The following ADAM22 variants were observed in gnomAD, a reference collection of about 807,000 sequenced individuals.
The protein encoded by ADAM22 is ADAM metallopeptidase domain 22, also known as disintegrin and metalloproteinase domain-containing protein 22.
In ADAM22, 65 loss-of-function variants were observed where a neutral mutation model predicts 144.6. The ratio of observed to expected loss-of-function variants is 0.45; its 90% confidence interval spans 0.37 to 0.55. The LOEUF is 0.55. ADAM22 is among the 20% of genes least tolerant of loss of function. The pLI, the probability that ADAM22 is intolerant of heterozygous loss-of-function variation, is 0.00. For missense variants in ADAM22, 974 were observed against 1,184.9 expected, an observed-to-expected ratio of 0.82 and a Z score of 2.61; for synonymous variants, 391 against 412.6, an observed-to-expected ratio of 0.95 and a Z score of 0.63.
At chr7:87,978,723 C>G (rs1456270120) in intron 3 of ADAM22, among the ~76,000 whole-genome samples, 1 of 152,032 alleles carries the variant, frequency 6.6e-6, no homozygotes, top group Non-Finnish European at 1.5e-5. Flanking sequence ...GACAATAATA[C>G]TTTGGGTATT....
chr7:87,995,806 C>A (rs1465665691), intron 3 of ADAM22, among the ~76,000 whole-genome samples: 1 of 152,158 alleles, frequency 6.6e-6, no homozygotes, highest in Non-Finnish European at 1.5e-5. Flanking sequence ...GTCACTCATT[C>A]CCTTACAGAT....
chr7:88,125,559 T>C, intron 7 of ADAM22, 30 bp from the exon 8 acceptor site: 1 of 1,524,090 alleles, frequency 6.6e-7, no homozygotes, highest in Non-Finnish European at 9.0e-7. Context: ...ACAAATGCAC[T>C]AAGTTAAATT....
chr7:87,950,896 T>C (rs1358276605), intron 2 of ADAM22, among the ~76,000 whole-genome samples: 1 of 151,546 alleles, frequency 6.6e-6, no homozygotes, highest in Non-Finnish European at 1.5e-5. Context: ...CCAGTGATGA[T>C]GAGCATTTTT....
chr7:87,990,941 G>A lies in ADAM22; in HGVS notation c.323+12529G>A, dbSNP rs903615422. On this transcript the variant is annotated intron_variant, in intron 3 of 31. Transcript: ENST00000413139. ...GGCCTCCCAAAGTGCTGGGATTGCA[G>A]ACGTGAGCCACCACACCCAGCCTTT... Among the ~76,000 whole-genome samples, 6 of 152,210 alleles carry A rather than the reference G, an allele frequency of 3.9e-5. No homozygotes were observed. In the East Asian group the frequency reaches 1.2e-3, roughly 29 times the overall value.
At chr7:88,195,608 C>T (rs1186115962) in intron 31 of ADAM22, among the ~76,000 whole-genome samples, 5 of 152,192 alleles carry the variant, frequency 3.3e-5, no homozygotes, top group South Asian at 2.1e-4. Flanking sequence ...CTCCGCCTCC[C>T]GGGTTCACGC....
At chr7:88,112,394 T>C (rs912943242) in intron 5 of ADAM22, among the ~76,000 whole-genome samples, 1 of 152,174 alleles carries the variant, frequency 6.6e-6, no homozygotes. Flanking sequence ...ATTTCACCAA[T>C]TTCACTAAAT....
At chr7:88,110,843 A>T in intron 5 of ADAM22, among the ~76,000 whole-genome samples, 1 of 133,862 alleles carries the variant, frequency 7.5e-6, no homozygotes, top group Admixed American at 7.9e-5. Flanking sequence ...CCCAGGTTCA[A>T]GCCATTCTTG....
intron 7 of ADAM22, among the ~76,000 whole-genome samples, chr7:88,123,521 C>T (rs903732245): frequency 6.6e-6 from 1 of 151,884 alleles, no homozygotes; most frequent in Non-Finnish European, 1.5e-5. Context: ...ATAATATCCT[C>T]GTATTATCTT....
chr7:87,964,314 A>G (rs986881826), intron 2 of ADAM22, among the ~76,000 whole-genome samples: 3 of 152,216 alleles, frequency 2.0e-5, no homozygotes, highest in African/African-American at 7.2e-5. Flanking sequence ...TGATTTGTGC[A>G]GTTTTTCTAT....
chr7:88,003,389 G>A (rs1793037971), intron 3 of ADAM22, among the ~76,000 whole-genome samples: 1 of 152,182 alleles, frequency 6.6e-6, no homozygotes. Context: ...TATAAGAAGT[G>A]GGGCTTTAAC....
At chr7:88,021,583 T>A (rs2129466224) in intron 3 of ADAM22, among the ~76,000 whole-genome samples, 1 of 152,348 alleles carries the variant, frequency 6.6e-6, no homozygotes, top group East Asian at 1.9e-4. Context: ...ATAAAACATG[T>A]AAAAATATAT....
In ADAM22 at chr7:88,145,084, A is replaced by G. The variant is rs1484451084; in HGVS notation, c.1321-41A>G. 1.9e-6 allele frequency: 3 copies of G among 1,588,334 alleles called. No homozygotes were observed. The African/African-American group carries it at 4.1e-5, about 22-fold the overall frequency. On this transcript the variant is annotated intron_variant, in intron 15 of 31. Transcript: ENST00000413139. ...TGGTCTCTCAAAGTCTTTGATGTTG[A>G]TTTTTCTATATTTTAGTTCACTTTT...
intron 3 of ADAM22, among the ~76,000 whole-genome samples, chr7:88,035,727 G>A (rs1451368239): frequency 6.6e-6 from 1 of 152,182 alleles, no homozygotes; most frequent in African/African-American, 2.4e-5. Context: ...TAGGCTGTAT[G>A]CAAATACCAC....
rs938293220 is a variant in ADAM22 at position 87,949,694 on chromosome 7, C to CT, written c.246+14518dup. ...ATGGTTTTGAACTAAGGACAACAAC[C>CT]TTTTTTTTTTCCTATAGCTAAGCCC... On this transcript the variant is annotated intron_variant, in intron 2 of 31. Coordinates refer to ENST00000413139, the MANE Select transcript of ADAM22 (RefSeq NM_001324418.2). 8.3e-4 allele frequency among the ~76,000 whole-genome samples: 123 copies of CT among 147,620 alleles called. 1 individual carries two copies. The highest frequency in any genetic ancestry group is 1.1e-3 in the South Asian group (5 of 4,646).
intron 30 of ADAM22, among the ~76,000 whole-genome samples, chr7:88,190,194 T>A (rs984243324): frequency 2.0e-5 from 3 of 152,166 alleles, no homozygotes; most frequent in Admixed American, 2.0e-4. Flanking sequence ...ATACCTTTAT[T>A]GTGTAATTCT....
intron 4 of ADAM22, among the ~76,000 whole-genome samples, chr7:88,107,232 G>T (rs372239606): frequency 1.5e-5 from 2 of 137,164 alleles, no homozygotes; most frequent in African/African-American, 5.7e-5. Context: ...TTGAGACAGG[G>T]TCTCTATCGC....
chr7:87,994,192 T>G (rs1688900), intron 3 of ADAM22, among the ~76,000 whole-genome samples: 2 of 150,486 alleles, frequency 1.3e-5, no homozygotes, highest in South Asian at 2.1e-4. Context: ...GACGGAGTCT[T>G]GCTCTGTCGC....
chr7:88,032,869 G>A (rs1218287034), intron 3 of ADAM22, among the ~76,000 whole-genome samples: 2 of 152,104 alleles, frequency 1.3e-5, no homozygotes, highest in Non-Finnish European at 2.9e-5. Flanking sequence ...TCTCTTGCTA[G>A]CCATATGAAG....
At chr7:87,944,162 T>C (rs952664691) in intron 2 of ADAM22, among the ~76,000 whole-genome samples, 1 of 152,064 alleles carries the variant, frequency 6.6e-6, no homozygotes, top group African/African-American at 2.4e-5. Flanking sequence ...AATTTGCCTT[T>C]TAAGTAGGTT....
Sources: gnomAD v4.1 joint callset for allele counts (sites outside exome capture counted in the v4.1 genomes callset) on GRCh38, gnomAD v4.1.1 for gene constraint, MANE v1.5 for transcripts, NCBI Gene and HGNC (gene_info 2026-07-23, HGNC 2026-07-21) for gene names.